The following MCUR1 variants were observed in gnomAD, a reference collection of about 807,000 sequenced individuals.
The protein encoded by MCUR1 is mitochondrial calcium uniporter regulator 1.
Under a neutral mutation model 42.0 loss-of-function variants are expected in MCUR1, and 37 were observed. The observed-to-expected ratio is 0.88, with a 90% CI of 0.68 to 1.16. The LOEUF (loss-of-function observed/expected upper bound fraction) is 1.16. Among genes scored for constraint, MCUR1 ranks in the 50% most tolerant of loss-of-function variants. MCUR1 has a pLI of 0.00. For synonymous variants in MCUR1, 229 were observed against 196.2 expected, an observed-to-expected ratio of 1.17 and a Z score of -1.40; for missense variants, 469 against 468.4, an observed-to-expected ratio of 1.00 and a Z score of -0.01.
At chr6:13,806,734 A>C (rs1239476249) in intron 2 of MCUR1, among the ~76,000 whole-genome samples, 191 bp downstream of exon 2, 1 of 152,212 alleles carries the variant, frequency 6.6e-6, no homozygotes, top group Non-Finnish European at 1.5e-5. Flanking sequence ...GGTTACAGTG[A>C]ACCAAGACTG....
chr6:13,792,195 T>A (rs986333902), intron 7 of MCUR1, among the ~76,000 whole-genome samples: 2 of 152,214 alleles, frequency 1.3e-5, no homozygotes, highest in Admixed American at 6.5e-5. Flanking sequence ...AGTTTTCTTC[T>A]ATTTGAAAAA....
At chr6:13,810,325 CATT>C (rs1227819267) in intron 1 of MCUR1, among the ~76,000 whole-genome samples, 2 of 151,856 alleles carry the variant, frequency 1.3e-5, no homozygotes, top group African/African-American at 4.8e-5. Context: ...CTAAAAAAGA[CATT>C]ATGACACCAA....
intron 8 of MCUR1, 62 bp from the exon 9 acceptor site, chr6:13,790,926 CT>C (rs1249600523): frequency 1.1e-5 from 14 of 1,298,564 alleles, no homozygotes; most frequent in African/African-American, 6.1e-5. Context: ...GAGGGAACAT[CT>C]TTTTTTAAGA....
chr6:13,808,135 C>A (rs1760151665), intron 1 of MCUR1, among the ~76,000 whole-genome samples: 1 of 152,198 alleles, frequency 6.6e-6, no homozygotes, highest in Non-Finnish European at 1.5e-5. Flanking sequence ...TTTGCCACCC[C>A]TTCCCCGACA....
chr6:13,801,290 C>T lies in MCUR1; in HGVS notation c.739G>A (p.Glu247Lys). The T allele has an allele frequency of 6.2e-7, 1 of 1,604,092 alleles. No homozygotes were observed. Among genetic ancestry groups the T allele is most frequent in the Non-Finnish European group, 8.5e-7 (1 of 1,171,948 alleles). The change falls in exon 4 of 9, where the codon GAG (glutamate) becomes AAG (lysine). Residue 247 changes from glutamate (E) to lysine (K), a missense_variant and splice_region_variant. Glu to Lys is a moderately conservative substitution (Grantham distance 56, BLOSUM62 1). Coordinates refer to ENST00000379170, the MANE Select transcript of MCUR1 (RefSeq NM_001031713.4). ...SEFSALRAEN[E>K]KIKLELHQLK... Reference sequence around the variant, plus strand: ...AAGTGTGAGAGGCTCTGTTTTACCTCATTTTCTGCTCTGAGGGCTGAAAAT... The same window carrying T: ...AAGTGTGAGAGGCTCTGTTTTACCTTATTTTCTGCTCTGAGGGCTGAAAAT...
chr6:13,802,139 T>C (rs551923839), intron 3 of MCUR1, 104 bp downstream of exon 3: 17 of 779,884 alleles, frequency 2.2e-5, no homozygotes, highest in South Asian at 2.2e-4. Context: ...AGTTACTATA[T>C]ACTTTTCAAC....
chr6:13,814,139 G>A lies in MCUR1; in HGVS notation c.291C>T (p.Leu97=). The A allele has an allele frequency of 1.5e-6, 2 of 1,305,696 alleles. No homozygotes were observed. Among genetic ancestry groups the A allele is most frequent in the Non-Finnish European group, 1.9e-6 (2 of 1,032,940 alleles). 80.9% of individuals were successfully genotyped at this position (1,305,696 alleles called of 1,614,324 possible). ...RQLGDWERSR[L]GYAAPPAGRS... ...GCCCGGCCGGGGGTGCGGCATACCCGAGGCGCGAGCGCTCCCAGTCCCCGA... is the reference window on the plus strand; with the variant it reads ...GCCCGGCCGGGGGTGCGGCATACCCAAGGCGCGAGCGCTCCCAGTCCCCGA... The change falls in exon 1 of 9, where the codon CTC becomes CTT. Residue 97 remains leucine, a synonymous_variant. Coordinates refer to ENST00000379170, the MANE Select transcript of MCUR1 (RefSeq NM_001031713.4).
intron 1 of MCUR1, among the ~76,000 whole-genome samples, chr6:13,813,498 G>A (rs1376758237): frequency 6.6e-6 from 1 of 152,108 alleles, no homozygotes; most frequent in East Asian, 1.9e-4. Context: ...GCTCCAGAGG[G>A]AAGATTTTGT....
chr6:13,808,533 T>A (rs1362083593), intron 1 of MCUR1, among the ~76,000 whole-genome samples: 2 of 152,246 alleles, frequency 1.3e-5, no homozygotes, highest in Non-Finnish European at 2.9e-5. Context: ...TTTTGTTGCC[T>A]GTGCTTTTTT....
At position 13,791,010 on chromosome 6, in the gene MCUR1, T is replaced by TG. The variant is rs1759718691; in HGVS notation, c.1025-147dup. 10 of 554,590 alleles carry TG rather than the reference T, an allele frequency of 1.8e-5. No homozygotes were observed. The South Asian group carries it at 2.0e-4, about 11-fold the overall frequency. 34.4% of individuals were successfully genotyped at this position (554,590 alleles called of 1,614,324 possible). On this transcript the variant is annotated intron_variant, in intron 8 of 8. Coordinates refer to ENST00000379170, the MANE Select transcript of MCUR1 (RefSeq NM_001031713.4). ...CATATTCCGTGAAACGCCTGCCTAC[T>TG]GAAAAAACAAATCCCACACCCTTTA...
At chr6:13,797,663 A>G (rs899950567) in intron 6 of MCUR1, among the ~76,000 whole-genome samples, 4 of 151,212 alleles carry the variant, frequency 2.6e-5, no homozygotes, top group South Asian at 2.1e-4. Flanking sequence ...AGCTGAGATC[A>G]CACCACTGCA....
chr6:13,803,610 A>C (rs904710426), intron 2 of MCUR1: 1 of 341,236 alleles, frequency 2.9e-6, no homozygotes, highest in Non-Finnish European at 4.1e-6. Context: ...CCAAAGACAC[A>C]GATTTAAAGG....
chr6:13,795,681 C>T (rs12205827), intron 6 of MCUR1, among the ~76,000 whole-genome samples: 9,502 of 152,058 alleles, frequency 0.062, 320 homozygotes, highest in Middle Eastern at 0.085. Flanking sequence ...TTGATGGGAG[C>T]TAAGCTATGA....
intron 8 of MCUR1, among the ~76,000 whole-genome samples, chr6:13,791,359 C>T (rs2035372538): frequency 2.0e-5 from 3 of 152,194 alleles, no homozygotes; most frequent in Admixed American, 2.0e-4. Flanking sequence ...AACAACATTT[C>T]ACTGTTAAAT....
chr6:13,807,078 C>G, intron 1 of MCUR1, 34 bp from the exon 2 acceptor site: 1 of 1,564,376 alleles, frequency 6.4e-7, no homozygotes, highest in Non-Finnish European at 8.7e-7. Context: ...TCAAAACAGA[C>G]TTCATGCAAA....
intron 6 of MCUR1, among the ~76,000 whole-genome samples, chr6:13,795,008 G>A (rs1199908907): frequency 1.3e-5 from 2 of 151,552 alleles, no homozygotes; most frequent in East Asian, 1.9e-4. Context: ...TTTGAATGAC[G>A]ACTTTTAAGA....
At chr6:13,808,390 G>C (rs1760157266) in intron 1 of MCUR1, among the ~76,000 whole-genome samples, 1 of 152,124 alleles carries the variant, frequency 6.6e-6, no homozygotes. Context: ...ATATATTCTA[G>C]ATACAAGCTC....
chr6:13,814,532 G>T lies in MCUR1; in HGVS notation c.-103C>A. 8.2e-7 allele frequency: 1 copy of T among 1,213,830 alleles called. No individual in the cohort carries two copies. Among genetic ancestry groups the T allele is most frequent in the Non-Finnish European group, 1.0e-6 (1 of 963,506 alleles). The allele number at this position is 1,213,830 out of a possible 1,614,324, so 75.2% of individuals were successfully genotyped here. Reference sequence around the variant, plus strand: ...AGTCCGACAGCGGGAGCGAGCGTGGGCCACAGCGCAGGACCGCCCTTTCCT... The same window carrying T: ...AGTCCGACAGCGGGAGCGAGCGTGGTCCACAGCGCAGGACCGCCCTTTCCT... On this transcript the variant is annotated 5_prime_UTR_variant, in exon 1 of 9. Transcript: ENST00000379170.
chr6:13,791,787 T>A lies in MCUR1; in HGVS notation c.1024+91A>T, dbSNP rs558800662. 1.8e-4 allele frequency: 140 copies of A among 783,760 alleles called. 5 individuals are homozygous for A. The South Asian group carries it at 2.4e-3, about 13-fold the overall frequency. 48.6% of individuals were successfully genotyped at this position (783,760 alleles called of 1,614,324 possible). ...GATGTTAAAATATTTCAGAAAGTGT[T>A]GGAATCAATGAAATGCAGTATCTGT... On this transcript the variant is annotated intron_variant, in intron 8 of 8. Transcript: ENST00000379170.
Sources: gnomAD v4.1 joint callset for allele counts (sites outside exome capture counted in the v4.1 genomes callset) on GRCh38, gnomAD v4.1.1 for gene constraint, MANE v1.5 for transcripts, NCBI Gene and HGNC (gene_info 2026-07-23, HGNC 2026-07-21) for gene names.